RSRC2: variants seen among roughly 807,000 people sequenced by gnomAD.
RSRC2 encodes arginine and serine rich coiled-coil 2.
Under a neutral mutation model 61.3 loss-of-function variants are expected in RSRC2, and 5 were observed. That is an observed-to-expected ratio of 0.08 (90% CI 0.04 to 0.17). The LOEUF (loss-of-function observed/expected upper bound fraction) is 0.17, where lower values mean the gene tolerates loss of function less well. Ranked by LOEUF, RSRC2 falls within the 10% of genes least tolerant of loss-of-function variation. The pLI is 1.00. For synonymous variants in RSRC2, 202 were observed against 166.5 expected, an observed-to-expected ratio of 1.21 and a Z score of -1.64; for missense variants, 381 against 518.8, an observed-to-expected ratio of 0.73 and a Z score of 2.58.
chr12:122,521,920 G>A (rs1242854326), intron 2 of RSRC2, among the ~76,000 whole-genome samples: 1 of 152,236 alleles, frequency 6.6e-6, no homozygotes, highest in East Asian at 1.9e-4. Context: ...AGAACTGCCT[G>A]AACCCAGCAG....
At chr12:122,511,043 T>C in intron 7 of RSRC2, 66 bp downstream of exon 7, 1 of 1,195,312 alleles carries the variant, frequency 8.4e-7, no homozygotes, top group Non-Finnish European at 1.2e-6. Context: ...AGCAAATCCC[T>C]GTGAAAAACA....
At chr12:122,507,019 C>T in intron 8 of RSRC2, 96 bp from the exon 9 acceptor site, 1 of 698,710 alleles carries the variant, frequency 1.4e-6, no homozygotes, top group Non-Finnish European at 2.5e-6. Context: ...AAAAAAACAC[C>T]ATGGATAGCA....
chr12:122,510,504 G>A (rs1011570237), intron 7 of RSRC2, among the ~76,000 whole-genome samples: 1 of 152,092 alleles, frequency 6.6e-6, no homozygotes, highest in Non-Finnish European at 1.5e-5. Context: ...ACTCCAGCCT[G>A]GGCGATGGAG....
rs1405824105 is a variant in RSRC2 at position 122,511,149 on chromosome 12, C to T, written c.765G>A (p.Lys255=). 6 of 1,608,208 alleles carry T rather than the reference C, an allele frequency of 3.7e-6. No individual in the cohort carries two copies. The highest frequency in any genetic ancestry group is 5.1e-6 in the Non-Finnish European group (6 of 1,179,454). Residue 255 remains lysine, a synonymous_variant, in exon 7 of 10, where the codon AAG becomes AAA. Transcript: ENST00000331738. ...GTTGTTTTTGTTTTTCAACCATTTC[C>T]TTTTCTCGCTGTTCTTGTAATTTCT... ...RAKKLQEQRE[K]EMVEKQKQQE...
Position 122,517,290 on chromosome 12 carries a change from G to A in RSRC2, c.539C>T (p.Ser180Phe). 6.2e-7 allele frequency: 1 copy of A among 1,614,042 alleles called. No homozygotes were observed. Residue 180 changes from serine (S) to phenylalanine (F), a missense_variant, in exon 5 of 10, where the codon TCC becomes TTC. Ser to Phe is a radical substitution (Grantham distance 155). Coordinates refer to ENST00000331738, the MANE Select transcript of RSRC2 (RefSeq NM_023012.6). The part of the protein sequence containing the change: ...RERKRRIRSR[S>F]RSRSRHRHRT... The stretch of plus-strand genomic sequence containing the variant: ...ATGCCTGTGTCTTGATCTTGAGCGG[G>A]AACGAGACCTGATCCGCCGTTTTCT...
rs754500008 is a variant in RSRC2, at chr12:122,507,037, A to G, written c.1036-114T>C. ...AAAACACCATGGATAGCATTCAATC[A>G]ATGTAAGTTTAATTATTTCAAGACT... On this transcript the variant is annotated intron_variant, in intron 8 of 9. Transcript: ENST00000331738. 4.5e-5 allele frequency: 31 copies of G among 688,292 alleles called. No individual in the cohort carries two copies. In the African/African-American group the frequency reaches 4.7e-4, roughly 10 times the overall value. 42.6% of individuals were successfully genotyped at this position (688,292 alleles called of 1,614,324 possible).
In RSRC2 at chr12:122,526,402, GCT is replaced by G. The variant is rs767723442; in HGVS notation, c.6+444_6+445del. 66 of 169,216 alleles carry G rather than the reference GCT, an allele frequency of 3.9e-4. 1 individual carries two copies. Among genetic ancestry groups the G allele is most frequent in the Non-Finnish European group, 7.7e-4 (61 of 79,388 alleles). 10.5% of individuals were successfully genotyped at this position (169,216 alleles called of 1,614,324 possible). Reference sequence around the variant, plus strand: ...ACAAAAAAAAAAATAGCTACAAGTCGCTCTCTTCTCCCACACTACCCTTTACA... The same window carrying G: ...ACAAAAAAAAAAATAGCTACAAGTCGCTCTTCTCCCACACTACCCTTTACA... On this transcript the variant is annotated intron_variant, in intron 1 of 9. Coordinates refer to ENST00000331738, the MANE Select transcript of RSRC2 (RefSeq NM_023012.6).
rs768526899 is a variant in RSRC2 at position 122,522,256 on chromosome 12, G to A, written c.50C>T (p.Ser17Leu). The A allele has an allele frequency of 6.2e-7, 1 of 1,613,658 alleles. No homozygotes were observed. The highest frequency in any genetic ancestry group is 1.7e-5 in the Admixed American group (1 of 59,952). The change falls in exon 2 of 10, where the codon TCA becomes TTA. Residue 17 changes from serine to leucine, a missense_variant. Physicochemically the swap from Ser to Leu is moderately radical, Grantham distance 145. This residue lies in a region of RSRC2 where 266 missense variants were observed against 270.5 expected (regional missense o/e 0.98). Transcript: ENST00000331738. ...ERDGLAPEKTSPDRDKKKEQS... is the reference protein window; with the variant it reads ...ERDGLAPEKTLPDRDKKKEQS... ...CTCTTTTTTCTTATCTCTATCTGGTGATGTCTTTTCTGGGGCTAGTCCATC... is the reference window on the plus strand; with the variant it reads ...CTCTTTTTTCTTATCTCTATCTGGTAATGTCTTTTCTGGGGCTAGTCCATC...
chr12:122,508,798 A>T (rs1958287082), intron 7 of RSRC2, among the ~76,000 whole-genome samples: 1 of 152,100 alleles, frequency 6.6e-6, no homozygotes, highest in Non-Finnish European at 1.5e-5. Context: ...CTCTACCAAA[A>T]ATACAAAATT....
At chr12:122,515,005 T>C in intron 6 of RSRC2, 100 bp downstream of exon 6, 1 of 1,281,018 alleles carries the variant, frequency 7.8e-7, no homozygotes, top group South Asian at 1.4e-5. Context: ...ATTACTAAAG[T>C]ATGTGAATCA....
chr12:122,511,760 A>C (rs1290558936), intron 6 of RSRC2, among the ~76,000 whole-genome samples: 1 of 152,222 alleles, frequency 6.6e-6, no homozygotes, highest in African/African-American at 2.4e-5. Context: ...GAACAAATTT[A>C]TCATTTACAA....
At chr12:122,505,795 T>C (rs1341459205) in intron 9 of RSRC2, 89 bp from the exon 10 acceptor site, 2 of 1,160,406 alleles carry the variant, frequency 1.7e-6, no homozygotes, top group Admixed American at 2.3e-5. Flanking sequence ...TTTTTTTTTT[T>C]TGAGATGGAG....
Position 122,518,762 on chromosome 12 carries a change from T to C in RSRC2, c.398+77A>G, listed in dbSNP as rs1593406244. 5.3e-6 allele frequency: 6 copies of C among 1,126,458 alleles called. No homozygotes were observed. In the East Asian group the frequency reaches 1.2e-4, roughly 22 times the overall value. The allele number at this position is 1,126,458 out of a possible 1,614,324, so 69.8% of individuals were successfully genotyped here. A position where few individuals can be genotyped will look rare whatever the true frequency, so the allele number is the denominator to read the frequency against. ...AGAAAAACTCCCTAATTATGATTTT[T>C]TTGGGTGTTGCTGGGTCAATGAGAA... On this transcript the variant is annotated intron_variant, in intron 4 of 9. Transcript: ENST00000331738.
At chr12:122,516,042 TTTC>T (rs1006546257) in intron 5 of RSRC2, among the ~76,000 whole-genome samples, 58 of 152,080 alleles carry the variant, frequency 3.8e-4, no homozygotes, top group African/African-American at 1.4e-3. Context: ...TAAAAAAAAA[TTTC>T]TTAATTGGTA....
rs551004790 is a variant in RSRC2 at position 122,526,772 on chromosome 12, T to C, written c.6+76A>G. ...TCTACACACATACACACGAACAAGG[T>C]TCTGGGAGCCGTTCACCCACTGTTG... On this transcript the variant is annotated intron_variant, in intron 1 of 9. Transcript: ENST00000331738. 5.8e-6 allele frequency: 9 copies of C among 1,546,452 alleles called. No individual in the cohort carries two copies. In the East Asian group the frequency reaches 1.3e-4, roughly 23 times the overall value.
chr12:122,506,380 T>A (rs1188620272), intron 9 of RSRC2: 2 of 156,380 alleles, frequency 1.3e-5, no homozygotes, highest in Non-Finnish European at 2.8e-5. Flanking sequence ...AACTTCAGTT[T>A]AGTAGGTTGG....
rs2133557 is a variant in RSRC2, at chr12:122,505,822, C to T, written c.1126-116G>A. On this transcript the variant is annotated intron_variant, in intron 9 of 9. Coordinates refer to ENST00000331738, the MANE Select transcript of RSRC2 (RefSeq NM_023012.6). ...GAGATGGAGTCTTGCTCTGTTGTCCCGTCTGGAGTGCAGTGGTGCCATCTC... is the reference window on the plus strand; with the variant it reads ...GAGATGGAGTCTTGCTCTGTTGTCCTGTCTGGAGTGCAGTGGTGCCATCTC... 4.4e-5 allele frequency: 37 copies of T among 840,060 alleles called. No homozygotes were observed. The Middle Eastern group carries it at 1.5e-3, about 34-fold the overall frequency. 52.0% of individuals were successfully genotyped at this position (840,060 alleles called of 1,614,324 possible). A position where few individuals can be genotyped will look rare whatever the true frequency, so the allele number is the denominator to read the frequency against.
intron 6 of RSRC2, among the ~76,000 whole-genome samples, 171 bp from the exon 7 acceptor site, chr12:122,511,359 T>C (rs1328484951): frequency 6.6e-6 from 1 of 152,150 alleles, no homozygotes; most frequent in Admixed American, 6.5e-5. Context: ...CTTAAGATGA[T>C]ATAAGCTACA....
chr12:122,504,295 C>CCA lies in RSRC2; in HGVS notation c.*1230_*1231dup, dbSNP rs1458441526. 1 of 152,150 alleles carries CCA rather than the reference C, an allele frequency of 6.6e-6. No individual in the cohort carries two copies. The highest frequency in any genetic ancestry group is 1.5e-5 in the Non-Finnish European group (1 of 68,068). The allele number at this position is 152,150 out of a possible 1,614,324, so 9.4% of individuals were successfully genotyped here. Reference sequence around the variant, plus strand: ...TAACTTCAAGTTTTGCAGGCCCCCCCCACCCCTTGGCTCCAGATTTATGTT... The same window carrying CCA: ...TAACTTCAAGTTTTGCAGGCCCCCCCCACACCCCTTGGCTCCAGATTTATGTT... On this transcript the variant is annotated 3_prime_UTR_variant, in exon 10 of 10. Coordinates refer to ENST00000331738, the MANE Select transcript of RSRC2 (RefSeq NM_023012.6).
Sources: allele counts gnomAD v4.1 joint callset (sites outside exome capture counted in the v4.1 genomes callset), GRCh38; gene constraint gnomAD v4.1.1; regional missense constraint gnomAD v4.1.1; transcripts MANE v1.5; gene names NCBI Gene and HGNC (gene_info 2026-07-23, HGNC 2026-07-21).